ZNF75D: variants seen among roughly 807,000 people sequenced by gnomAD.
ZNF75D encodes zinc finger protein 75D, also known as zinc finger protein 75.
Under a neutral mutation model 33.3 loss-of-function variants are expected in ZNF75D, and 33 were observed. The ratio of observed to expected loss-of-function variants is 0.99; its 90% CI spans 0.75 to 1.32. The LOEUF (loss-of-function observed/expected upper bound fraction) is 1.32. Among genes scored for constraint, ZNF75D ranks in the 40% most tolerant of loss-of-function variants. ZNF75D has a pLI of 0.00. For synonymous variants in ZNF75D, 113 were observed against 130.6 expected (o/e 0.87, Z 0.92); for missense variants, 338 against 367.5 (o/e 0.92, Z 0.66).
intron 1 of ZNF75D, among the ~76,000 whole-genome samples, chrX:135,266,499 G>T (rs1156820273): frequency 1.8e-5 from 2 of 111,487 alleles, no homozygotes; most frequent in Non-Finnish European, 3.8e-5. Context: ...GACAAAAGAG[G>T]TTTCAGGGAA....
Position 135,338,062 on chromosome X carries a change from C to G in ZNF75D, c.-391+3706G>C, listed in dbSNP as rs1353410409. ...GGAAGGTCACTGATGCAGCAGGAGA[C>G]AGAGCTCGCAGGATGGGGAGGGATC... On this transcript the variant is annotated intron_variant, in intron 1 of 6. Coordinates refer to ENST00000370766, the MANE Select transcript of ZNF75D (RefSeq NM_007131.5). 3.5e-4 allele frequency among the ~76,000 whole-genome samples: 39 copies of G among 111,060 alleles called. No homozygotes were observed. In the Admixed American group the frequency reaches 3.7e-3, roughly 11 times the overall value.
downstream of ZNF75D, among the ~76,000 whole-genome samples, chrX:135,282,646 T>C (rs1385083716): frequency 9.0e-6 from 1 of 111,717 alleles, no homozygotes; most frequent in African/African-American, 3.3e-5. Context: ...CCCTGGTCTG[T>C]GGGTTGTGAA....
intron 1 of ZNF75D, chrX:135,309,422 C>G: frequency 3.4e-6 from 1 of 295,283 alleles, no homozygotes; most frequent in Non-Finnish European, 5.9e-6. Context: ...AATTCATCAT[C>G]TTTTTCAGGC....
downstream of ZNF75D, among the ~76,000 whole-genome samples, chrX:135,285,071 G>C (rs1215419644): frequency 9.0e-6 from 1 of 111,379 alleles, no homozygotes; most frequent in East Asian, 2.8e-4. Context: ...CTAGGAGGAG[G>C]GGTGGTGAGG....
chrX:135,302,517 T>C (rs1293161494), intron 1 of ZNF75D, among the ~76,000 whole-genome samples: 2 of 112,785 alleles, frequency 1.8e-5, no homozygotes, highest in Non-Finnish European at 3.7e-5. Flanking sequence ...ACATACTTTA[T>C]TCTTTAAGTG....
chrX:135,265,729 A>G (rs1344150329), intron 1 of ZNF75D, among the ~76,000 whole-genome samples: 1 of 112,217 alleles, frequency 8.9e-6, no homozygotes, highest in East Asian at 2.8e-4. Context: ...CTTCAATCTG[A>G]AAGAAAATGA....
intron 1 of ZNF75D, among the ~76,000 whole-genome samples, chrX:135,311,551 G>T (rs1443204701): frequency 1.3e-4 from 15 of 112,142 alleles, no homozygotes; most frequent in African/African-American, 4.9e-4. Context: ...TGTGTATGGT[G>T]AGAACACTTA....
At chrX:135,323,394 C>T (rs1196903540) in intron 1 of ZNF75D, among the ~76,000 whole-genome samples, 1 of 112,221 alleles carries the variant, frequency 8.9e-6, no homozygotes, top group Non-Finnish European at 1.9e-5. Flanking sequence ...GTTACAAAGT[C>T]ATAGGCTGCA....
At chrX:135,277,481 C>G (rs1232928685) in intron 1 of ZNF75D, among the ~76,000 whole-genome samples, 2 of 112,364 alleles carry the variant, frequency 1.8e-5, no homozygotes, top group African/African-American at 6.5e-5. Context: ...TGCAGAAGCT[C>G]TTTAGTTTAA....
chrX:135,305,146 G>A (rs1253895544), intron 1 of ZNF75D, among the ~76,000 whole-genome samples: 1 of 111,627 alleles, frequency 9.0e-6, no homozygotes, highest in Non-Finnish European at 1.9e-5. Context: ...CTGGGAATTA[G>A]CTCAAATTGC....
intron 1 of ZNF75D, among the ~76,000 whole-genome samples, chrX:135,331,670 T>C (rs1422718074): frequency 9.0e-6 from 1 of 111,637 alleles, no homozygotes; most frequent in African/African-American, 3.3e-5. Flanking sequence ...GCAGTCCTTC[T>C]GTGCCCTCTT....
In ZNF75D at chrX:135,287,770, G is replaced by A. The variant is rs367737869; in HGVS notation, c.900C>T (p.Cys300=). 52 of 1,207,453 alleles carry A rather than the reference G, an allele frequency of 4.3e-5. No individual in the cohort carries two copies. Among genetic ancestry groups the A allele is most frequent in the African/African-American group, 4.2e-4 (24 of 57,181 alleles). The change falls in exon 7 of 7, where the codon TGC becomes TGT. Residue 300 remains cysteine, a synonymous_variant. Transcript: ENST00000370766. ...VSTSEIQTSG[C]EVSKKTRMKI... is the part of the protein sequence containing the mutation. ...TCATTCTGGTCTTTTTTGATACTTC[G>A]CATCCTGATGTTTGTATTTCTGATG...
intron 1 of ZNF75D, among the ~76,000 whole-genome samples, chrX:135,258,778 C>A (rs903916269): frequency 1.8e-5 from 2 of 111,927 alleles, no homozygotes; most frequent in Non-Finnish European, 3.8e-5. Flanking sequence ...TTCTTTGCTG[C>A]ACAGAAGCTC....
At chrX:135,306,284 TACATACACAC>T (rs2084284015) in intron 1 of ZNF75D, among the ~76,000 whole-genome samples, 2 of 53,812 alleles carry the variant, frequency 3.7e-5, no homozygotes, top group South Asian at 2.5e-3. Flanking sequence ...ACAACAGAGA[TACATACACAC>T]ACACACACAC....
At chrX:135,292,159 C>T in intron 4 of ZNF75D, 122 bp downstream of exon 4, 1 of 692,632 alleles carries the variant, frequency 1.4e-6, no homozygotes, top group Non-Finnish European at 2.2e-6. Context: ...CACTGTACTC[C>T]CACCTGGGAG....
intron 1 of ZNF75D, among the ~76,000 whole-genome samples, chrX:135,306,448 A>C (rs1226896077): frequency 8.9e-6 from 1 of 112,150 alleles, no homozygotes; most frequent in Non-Finnish European, 1.9e-5. Context: ...TTGGCCCATG[A>C]ACATGTCTAT....
rs371405813 is a variant in ZNF75D at position 135,267,806 on chromosome X, CA to C, written n.828-12030del. 8.9e-3 allele frequency among the ~76,000 whole-genome samples: 821 copies of C among 92,454 alleles called. 5 individuals carry two copies. The highest frequency in any genetic ancestry group is 0.01 in the Non-Finnish European group (465 of 46,135). 80.3% of individuals were successfully genotyped at this position (92,454 alleles called of 115,157 possible). Reference sequence around the variant, plus strand: ...ATACCAAAACTAGACAAAGATACACCAAAAAAAAAAAAAACCTACAGACCAA... The same window carrying C: ...ATACCAAAACTAGACAAAGATACACCAAAAAAAAAAAAACCTACAGACCAA... On this transcript the variant is annotated intron_variant and non_coding_transcript_variant, in intron 1 of 3. Coordinates refer to the ZNF75D transcript ENST00000494295.
At position 135,293,974 on chromosome X, in the gene ZNF75D, C is replaced by T. The variant is rs148068840; in HGVS notation, c.167G>A (p.Arg56His). The T allele has an allele frequency of 1.1e-4, 131 of 1,210,322 alleles. No individual in the cohort carries two copies. The highest frequency in any genetic ancestry group is 2.2e-4 in the Admixed American group (10 of 45,888). Residue 56 changes from arginine (R) to histidine (H), a missense_variant, in exon 3 of 7, where the codon CGT becomes CAT. Around this residue, in one of 3 missense-constraint regions of ZNF75D, gnomAD observed 254 missense variants for 267.7 expected, o/e 0.95. Coordinates refer to ENST00000370766, the MANE Select transcript of ZNF75D (RefSeq NM_007131.5). ...AAGCGGTCCGGTTGCTTCATGATAA[C>T]GGAAGCTCCAGAAGTGCCTGCAAGC... The part of the protein sequence containing the change: ...ESACRHFWSF[R>H]YHEATGPLET...
intron 1 of ZNF75D, among the ~76,000 whole-genome samples, chrX:135,340,036 TTG>T (rs1358277563): frequency 1.8e-5 from 2 of 112,566 alleles, no homozygotes; most frequent in Non-Finnish European, 3.8e-5. Flanking sequence ...GCTTTTACAG[TTG>T]TGATTCACTT....
Sources: gnomAD v4.1 joint callset for allele counts (sites outside exome capture counted in the v4.1 genomes callset) on GRCh38, gnomAD v4.1.1 for gene constraint, gnomAD v4.1.1 regional missense constraint, MANE v1.5 for transcripts, NCBI Gene and HGNC (gene_info 2026-07-23, HGNC 2026-07-21) for gene names.